The following RABGAP1L variants were observed in gnomAD, a reference collection of about 807,000 sequenced individuals.
RABGAP1L encodes the protein RAB GTPase activating protein 1 like, also known as rab GTPase-activating protein 1-like.
In RABGAP1L, 63 loss-of-function variants were observed where a neutral mutation model predicts 137.7. The ratio of observed to expected loss-of-function variants is 0.46; its 90% CI spans 0.37 to 0.56. RABGAP1L has a LOEUF of 0.56. Ranked by LOEUF, RABGAP1L falls within the 20% of genes least tolerant of loss-of-function variation. RABGAP1L has a pLI of 0.00. For missense variants in RABGAP1L, 1,095 were observed against 1,244.0 expected, an observed-to-expected ratio of 0.88 and a Z score of 1.80; for synonymous variants, 431 against 433.7, an observed-to-expected ratio of 0.99 and a Z score of 0.08.
At chr1:174,404,639 C>G (rs939698874) in intron 13 of RABGAP1L, among the ~76,000 whole-genome samples, 4 of 151,936 alleles carry the variant, frequency 2.6e-5, no homozygotes, top group Admixed American at 2.0e-4. Flanking sequence ...TCTTTAAGTA[C>G]CTATTGTGTG....
intron 13 of RABGAP1L, among the ~76,000 whole-genome samples, chr1:174,616,439 G>A (rs541436072): frequency 6.6e-6 from 1 of 152,260 alleles, no homozygotes; most frequent in Admixed American, 6.5e-5. Context: ...CTCTAATTCT[G>A]ATTTATTCAG....
At chr1:174,835,849 G>A (rs1692686668) in intron 19 of RABGAP1L, among the ~76,000 whole-genome samples, 1 of 151,988 alleles carries the variant, frequency 6.6e-6, no homozygotes, top group Non-Finnish European at 1.5e-5. Context: ...GTCTGGTTAT[G>A]TAAAAAAAAA....
At chr1:174,461,545 C>T (rs548660558) in intron 13 of RABGAP1L, among the ~76,000 whole-genome samples, 8 of 152,234 alleles carry the variant, frequency 5.3e-5, no homozygotes, top group African/African-American at 1.9e-4. Flanking sequence ...ATTTGTTGAG[C>T]CAAGTACAGA....
intron 13 of RABGAP1L, among the ~76,000 whole-genome samples, chr1:174,395,130 T>C (rs1164945025): frequency 1.3e-5 from 2 of 152,124 alleles, no homozygotes; most frequent in African/African-American, 4.8e-5. Context: ...ACTGAGGCTT[T>C]ATGAGGTCCT....
At chr1:174,888,967 A>G (rs948007779) in intron 19 of RABGAP1L, among the ~76,000 whole-genome samples, 5 of 152,164 alleles carry the variant, frequency 3.3e-5, no homozygotes, top group African/African-American at 1.2e-4. Context: ...GTGTGTGTGT[A>G]TGCATAAGAT....
chr1:174,796,509 A>G (rs1266677997), intron 18 of RABGAP1L, among the ~76,000 whole-genome samples: 3 of 152,194 alleles, frequency 2.0e-5, no homozygotes, highest in South Asian at 2.1e-4. Flanking sequence ...TGAACATTCT[A>G]TTCTGAAAGA....
At chr1:174,683,454 A>G (rs1678236539) in intron 14 of RABGAP1L, 68 bp from the exon 15 acceptor site, 4 of 1,285,308 alleles carry the variant, frequency 3.1e-6, no homozygotes, top group Non-Finnish European at 4.4e-6. Flanking sequence ...GGAGCCTGGT[A>G]TGAGCTAACA....
At chr1:174,205,047 T>C (rs1166730688) in intron 1 of RABGAP1L, among the ~76,000 whole-genome samples, 1 of 152,218 alleles carries the variant, frequency 6.6e-6, no homozygotes, top group African/African-American at 2.4e-5. Context: ...TTTCTGCTTC[T>C]CTTGAGATAA....
chr1:174,189,940 T>C (rs1667087517), intron 1 of RABGAP1L, among the ~76,000 whole-genome samples: 1 of 152,160 alleles, frequency 6.6e-6, no homozygotes, highest in African/African-American at 2.4e-5. Flanking sequence ...AGCTAGCATA[T>C]TCAGCCTCTT....
At chr1:174,501,057 G>A (rs1661219327) in intron 13 of RABGAP1L, among the ~76,000 whole-genome samples, 1 of 152,036 alleles carries the variant, frequency 6.6e-6, no homozygotes, top group African/African-American at 2.4e-5. Flanking sequence ...TGAGGAATAA[G>A]CATTTCCTGT....
chr1:174,547,779 T>TAGTTTATTA, intron 13 of RABGAP1L: 4 of 1,372,964 alleles, frequency 2.9e-6, no homozygotes, highest in Non-Finnish European at 4.0e-6. Flanking sequence ...GTTAGATGCA[T>TAGTTTATTA]CAGTTTATTA....
At chr1:174,543,576 A>C (rs1173757822) in intron 13 of RABGAP1L, among the ~76,000 whole-genome samples, 1 of 152,166 alleles carries the variant, frequency 6.6e-6, no homozygotes, top group Non-Finnish European at 1.5e-5. Flanking sequence ...TTTTAATTGA[A>C]ACATTTAGCC....
intron 5 of RABGAP1L, among the ~76,000 whole-genome samples, chr1:174,243,776 G>T (rs1444890671): frequency 1.3e-5 from 2 of 152,168 alleles, no homozygotes; most frequent in Non-Finnish European, 2.9e-5. Context: ...TTGTGGTTTG[G>T]ATGATAAATT....
chr1:174,626,182 G>A (rs1572580754), intron 13 of RABGAP1L, among the ~76,000 whole-genome samples: 1 of 152,320 alleles, frequency 6.6e-6, no homozygotes, highest in Admixed American at 6.5e-5. Flanking sequence ...TGTGACCACA[G>A]GAGTATTGGG....
chr1:174,309,171 T>A (rs186704251), intron 11 of RABGAP1L, among the ~76,000 whole-genome samples: 1 of 152,164 alleles, frequency 6.6e-6, no homozygotes, highest in East Asian at 1.9e-4. Context: ...AGTTTTCAGA[T>A]AGTTTGCTGT....
intron 17 of RABGAP1L, among the ~76,000 whole-genome samples, chr1:174,708,808 T>G (rs1680256670): frequency 6.6e-6 from 1 of 152,162 alleles, no homozygotes; most frequent in Admixed American, 6.5e-5. Context: ...GTGCCTGGAA[T>G]GCCAGTGAGA....
chr1:174,177,496 TTGTC>T, intron 1 of RABGAP1L, among the ~76,000 whole-genome samples: 1 of 152,356 alleles, frequency 6.6e-6, no homozygotes, highest in East Asian at 1.9e-4. Context: ...TAGATCCCAT[TTGTC>T]AATTTTGGGT....
intron 13 of RABGAP1L, among the ~76,000 whole-genome samples, chr1:174,486,459 G>C (rs191412926): frequency 6.6e-6 from 1 of 150,728 alleles, no homozygotes; most frequent in African/African-American, 2.4e-5. Flanking sequence ...CCATTCTCCT[G>C]CCTCAGCCTC....
intron 1 of RABGAP1L, 21 bp from the exon 2 acceptor site, chr1:174,219,104 T>C (rs956819682): frequency 6.7e-7 from 1 of 1,483,918 alleles, no homozygotes; most frequent in African/African-American, 1.5e-5. Context: ...TTTTTTTTTT[T>C]AATCCCTTTT....
Sources: allele counts gnomAD v4.1 joint callset (sites outside exome capture counted in the v4.1 genomes callset), GRCh38; gene constraint gnomAD v4.1.1; transcripts MANE v1.5; gene names NCBI Gene and HGNC (gene_info 2026-07-23, HGNC 2026-07-21).